PRG4: variants seen among roughly 807,000 people sequenced by gnomAD.
PRG4 encodes the protein proteoglycan 4.
PRG4 carries 61 observed loss-of-function variants against 91.2 expected under a neutral mutation model. That is an observed-to-expected ratio of 0.67 (90% CI 0.54 to 0.83). The LOEUF (loss-of-function observed/expected upper bound fraction) is 0.83. PRG4 is among the 40% of genes least tolerant of loss of function. PRG4 has a pLI of 0.00. For synonymous variants in PRG4, 576 were observed against 614.2 expected (o/e 0.94, Z 0.92); for missense variants, 1,564 against 1,714.2 (o/e 0.91, Z 1.55).
chr1:186,307,449 C>T lies in PRG4; in HGVS notation c.1730C>T (p.Ala577Val), dbSNP rs753724527. The T allele has an allele frequency of 4.1e-5, 65 of 1,576,588 alleles. No individual in the cohort carries two copies. Among genetic ancestry groups the T allele is most frequent in the African/African-American group, 7.0e-5 (5 of 71,318 alleles). The change falls in exon 7 of 13, where the codon GCC (alanine) becomes GTC (valine). Residue 577 changes from alanine (A) to valine (V), a missense_variant. Around this residue, in one of 3 missense-constraint regions of PRG4, gnomAD observed 1,079 missense variants for 1,162.2 expected, o/e 0.93. Coordinates refer to ENST00000445192, the MANE Select transcript of PRG4 (RefSeq NM_005807.6). ...EPAPTTPKKP[A>V]PTTPKEPAPT... ...GCACCCACCACCCCCAAGAAGCCTG[C>T]CCCAACTACCCCCAAGGAGCCTGCA...
At position 186,311,658 on chromosome 1, in the gene PRG4, T is replaced by C. The variant is rs536374246; in HGVS notation, c.3793+62T>C. 9.2e-5 allele frequency: 138 copies of C among 1,503,220 alleles called. No individual in the cohort carries two copies. In the Middle Eastern group the frequency reaches 1.0e-3, roughly 11 times the overall value. 93.1% of individuals were successfully genotyped at this position (1,503,220 alleles called of 1,614,324 possible). ...TAAAGAATTACACTCAGCATTTTCA[T>C]TTATTATTGACTTTACTGTCAAAAG... On this transcript the variant is annotated intron_variant, in intron 10 of 12. Transcript: ENST00000445192.
Position 186,312,343 on chromosome 1 carries a change from C to T in PRG4, c.3962C>T (p.Ser1321Leu). 4 of 1,608,822 alleles carry T rather than the reference C, an allele frequency of 2.5e-6. No individual in the cohort carries two copies. Among genetic ancestry groups the T allele is most frequent in the Middle Eastern group, 1.7e-4 (1 of 6,006 alleles). The change falls in exon 11 of 13, where the codon TCA becomes TTA. Residue 1321 changes from serine (S) to leucine (L), a missense_variant. Ser to Leu is a moderately radical substitution (Grantham distance 145). This residue lies in a region of PRG4 where 1,079 missense variants were observed against 1,162.2 expected (regional missense o/e 0.93). Transcript: ENST00000445192. ...SQTHTIRIQY[S>L]PARLAYQDKG... is the part of the protein sequence containing the mutation. ...ACACACACCATCAGAATTCAATATT[C>T]ACCTGCCAGACTGGCTTATCAAGAC...
chr1:186,307,102 C>T lies in PRG4; in HGVS notation c.1383C>T (p.Pro461=), dbSNP rs1399949659. 11 of 1,588,678 alleles carry T rather than the reference C, an allele frequency of 6.9e-6. No individual in the cohort carries two copies. The highest frequency in any genetic ancestry group is 9.4e-6 in the Non-Finnish European group (11 of 1,168,402). Residue 461 remains proline (P), a synonymous_variant, in exon 7 of 13, where the codon CCC becomes CCT. Coordinates refer to ENST00000445192, the MANE Select transcript of PRG4 (RefSeq NM_005807.6). The part of the protein sequence containing the change: ...PAPTTPKEPT[P]TTPKEPAPTT... ...CCACCACTCCCAAGGAGCCTACACC[C>T]ACCACTCCCAAGGAGCCTGCACCCA...
intron 1 of PRG4, among the ~76,000 whole-genome samples, chr1:186,296,525 G>A (rs1163841062): frequency 2.0e-5 from 3 of 152,188 alleles, no homozygotes; most frequent in Non-Finnish European, 4.4e-5. Context: ...TTTTCCTTAA[G>A]ATAAAATTTT....
At chr1:186,300,009 A>G in intron 2 of PRG4, 82 bp from the exon 3 acceptor site, 1 of 1,508,590 alleles carries the variant, frequency 6.6e-7, no homozygotes, top group Non-Finnish European at 9.2e-7. Flanking sequence ...TCTCTCACCA[A>G]GTGGCTTTGT....
chr1:186,300,954 A>G (rs1361388657), intron 3 of PRG4, among the ~76,000 whole-genome samples: 1 of 152,234 alleles, frequency 6.6e-6, no homozygotes, highest in Non-Finnish European at 1.5e-5. Context: ...AATTATTTCA[A>G]ATAAGCCTTG....
intron 2 of PRG4, 70 bp downstream of exon 2, chr1:186,297,021 A>G (rs1571545447): frequency 3.0e-6 from 4 of 1,332,220 alleles, no homozygotes; most frequent in East Asian, 2.4e-5. Flanking sequence ...TTTTTATAAC[A>G]ACGGAAATAT....
At position 186,304,154 on chromosome 1, in the gene PRG4, T is replaced by G; in HGVS notation, c.366T>G (p.Pro122=). 6 of 1,614,044 alleles carry G rather than the reference T, an allele frequency of 3.7e-6. No individual in the cohort carries two copies. The highest frequency in any genetic ancestry group is 5.1e-6 in the Non-Finnish European group (6 of 1,179,910). Residue 122 remains proline, a synonymous_variant, in exon 5 of 13, where the codon CCT becomes CCG. Coordinates refer to ENST00000445192, the MANE Select transcript of PRG4 (RefSeq NM_005807.6). ...CATCTTCAAAGAAAGCACCTCCACC[T>G]TCAGGAGCATCTCAAACCATCAAAT... is the stretch of plus-strand genomic sequence containing the variant. ...SPPSSKKAPP[P]SGASQTIKST... is the part of the protein sequence containing the mutation.
Position 186,308,125 on chromosome 1 carries a change from T to TGCAC in PRG4, c.2407_2410dup (p.Pro804ArgfsTer14). Reference sequence around the variant, plus strand: ...CCAAGAAGCCTGCCCCCAAGGAGCTTGCACCCACCACCACCAAGGGGCCCA... The same window carrying TGCAC: ...CCAAGAAGCCTGCCCCCAAGGAGCTTGCACGCACCCACCACCACCAAGGGGCCCA... On this transcript the variant is annotated frameshift_variant, in exon 7 of 13. Coordinates refer to ENST00000445192, the MANE Select transcript of PRG4 (RefSeq NM_005807.6). LOFTEE classifies it high-confidence loss of function. 1 of 1,607,040 alleles carries TGCAC rather than the reference T, an allele frequency of 6.2e-7. No homozygotes were observed. The highest frequency in any genetic ancestry group is 8.5e-7 in the Non-Finnish European group (1 of 1,177,716).
chr1:186,306,260 G>A, intron 6 of PRG4, 58 bp from the exon 7 acceptor site: 1 of 1,337,374 alleles, frequency 7.5e-7, no homozygotes. Context: ...GGATCTTTAT[G>A]TCACTATTAA....
rs200699648 is a variant in PRG4 at position 186,308,539 on chromosome 1, G to A, written c.2820G>A (p.Glu940=). The change falls in exon 7 of 13, where the codon GAG becomes GAA. Residue 940 remains glutamate (E), a synonymous_variant. Coordinates refer to ENST00000445192, the MANE Select transcript of PRG4 (RefSeq NM_005807.6). ...CTGCTGCACCTAAGATGACAAAAGA[G>A]ACAGCAACTACAACAGAAAAAACTA... is the stretch of plus-strand genomic sequence containing the variant. ...TTTAAPKMTK[E]TATTTEKTTE... is the part of the protein sequence containing the mutation. 5.6e-6 allele frequency: 9 copies of A among 1,613,592 alleles called. No homozygotes were observed. Among genetic ancestry groups the A allele is most frequent in the African/African-American group, 2.7e-5 (2 of 74,988 alleles).
chr1:186,304,679 C>T, intron 5 of PRG4, 115 bp from the exon 6 acceptor site: 1 of 1,369,096 alleles, frequency 7.3e-7, no homozygotes, highest in Non-Finnish European at 1.0e-6. Context: ...CTAATAAAAG[C>T]AAAATCCAGA....
chr1:186,304,125 C>G lies in PRG4; in HGVS notation c.337C>G (p.Pro113Ala). ...GGCCTCAGTGCATAATCCCACATCA[C>G]CACCATCTTCAAAGAAAGCACCTCC... ...FCAEVHNPTS[P>A]PSSKKAPPPS... The change falls in exon 5 of 13, where the codon CCA (proline) becomes GCA (alanine). Residue 113 changes from proline to alanine, a missense_variant. By Grantham distance (27) the Pro-to-Ala change is conservative (BLOSUM62 -1). Transcript: ENST00000445192. The G allele has an allele frequency of 6.2e-7, 1 of 1,614,084 alleles. No individual in the cohort carries two copies.
chr1:186,312,342 T>G lies in PRG4; in HGVS notation c.3961T>G (p.Ser1321Ala), dbSNP rs781394091. ...AACACACACCATCAGAATTCAATATTCACCTGCCAGACTGGCTTATCAAGA... is the reference window on the plus strand; with the variant it reads ...AACACACACCATCAGAATTCAATATGCACCTGCCAGACTGGCTTATCAAGA... ...SQTHTIRIQY[S>A]PARLAYQDKG... Residue 1321 changes from serine (S) to alanine (A), a missense_variant, in exon 11 of 13, where the codon TCA (serine) becomes GCA (alanine). This residue lies in a region of PRG4 where 1,079 missense variants were observed against 1,162.2 expected (regional missense o/e 0.93). Transcript: ENST00000445192. 1.9e-6 allele frequency: 3 copies of G among 1,608,682 alleles called. No homozygotes were observed. Among genetic ancestry groups the G allele is most frequent in the Non-Finnish European group, 2.5e-6 (3 of 1,178,250 alleles).
At position 186,296,499 on chromosome 1, in the gene PRG4, G is replaced by A. The variant is rs189141417; in HGVS notation, c.-31+206G>A. Among the ~76,000 whole-genome samples, 44 of 152,290 alleles carry A rather than the reference G, an allele frequency of 2.9e-4. 1 individual carries two copies. Among genetic ancestry groups the A allele is most frequent in the South Asian group, 4.1e-4 (2 of 4,828 alleles). ...ATGATGCTTATTAAATTACATTTCT[G>A]TGACACAGGTTATTATTTTCCTTAA... On this transcript the variant is annotated intron_variant, in intron 1 of 12. Coordinates refer to ENST00000445192, the MANE Select transcript of PRG4 (RefSeq NM_005807.6).
rs568492880 is a variant in PRG4, at chr1:186,302,914, C to T, written c.320-1194C>T. 2.0e-5 allele frequency among the ~76,000 whole-genome samples: 3 copies of T among 152,006 alleles called. No homozygotes were observed. The South Asian group carries it at 6.2e-4, about 32-fold the overall frequency. On this transcript the variant is annotated intron_variant, in intron 4 of 12. Transcript: ENST00000445192. ...GTTATGAAATATTTGGTCAGATTAC[C>T]TAAAGTTTAGGTAGAACTCTGAAAA...
intron 10 of PRG4, 126 bp downstream of exon 10, chr1:186,311,722 A>T: frequency 9.5e-7 from 1 of 1,047,770 alleles, no homozygotes; most frequent in South Asian, 1.4e-5. Flanking sequence ...TTCAGTGAAA[A>T]AAATCAATAT....
In PRG4 at chr1:186,306,471, A is replaced by G; in HGVS notation, c.752A>G (p.Lys251Arg). The stretch of plus-strand genomic sequence containing the variant: ...CACAATAAAGTCAGCACATCTCCCA[A>G]GATCACAACAGCAAAACCAATAAAT... The part of the protein sequence containing the change: ...TQHNKVSTSP[K>R]ITTAKPINPR... The change falls in exon 7 of 13, where the codon AAG becomes AGG. Residue 251 changes from lysine to arginine, a missense_variant. Transcript: ENST00000445192. The G allele has an allele frequency of 6.2e-7, 1 of 1,613,780 alleles. No homozygotes were observed. The highest frequency in any genetic ancestry group is 8.5e-7 in the Non-Finnish European group (1 of 1,179,802).
At chr1:186,312,630 CATT>C in intron 11 of PRG4, 136 bp from the exon 12 acceptor site, 1 of 927,422 alleles carries the variant, frequency 1.1e-6, no homozygotes, top group East Asian at 2.5e-5. Context: ...TTACCAAGAA[CATT>C]ATATACCAGT....
Sources: allele counts gnomAD v4.1 joint callset (sites outside exome capture counted in the v4.1 genomes callset), GRCh38; gene constraint gnomAD v4.1.1; regional missense constraint gnomAD v4.1.1; transcripts MANE v1.5; gene names NCBI Gene and HGNC (gene_info 2026-07-23, HGNC 2026-07-21).